MED4: variants seen among roughly 807,000 people sequenced by gnomAD.
MED4 encodes the protein mediator of RNA polymerase II transcription subunit 4.
In MED4, 21 loss-of-function variants were observed where a neutral mutation model predicts 35.0. The observed-to-expected ratio is 0.60, with a 90% CI of 0.43 to 0.86. MED4 has a LOEUF of 0.86. Ranked by LOEUF, MED4 falls within the 40% of genes least tolerant of loss-of-function variation. The pLI, the probability that MED4 is intolerant of heterozygous loss-of-function variation, is 0.00. For synonymous variants in MED4, 138 were observed against 114.0 expected (o/e 1.21, Z -1.34); for missense variants, 300 against 319.4 (o/e 0.94, Z 0.46).
chr13:48,084,147 C>T (rs1459748178), intron 3 of MED4, among the ~76,000 whole-genome samples: 1 of 151,928 alleles, frequency 6.6e-6, no homozygotes, highest in Admixed American at 6.6e-5. Flanking sequence ...CCTATCTCAG[C>T]TACTTGGGAG....
intron 2 of MED4, 85 bp from the exon 3 acceptor site, chr13:48,086,537 G>T: frequency 8.0e-7 from 1 of 1,252,260 alleles, no homozygotes; most frequent in South Asian, 1.4e-5. Context: ...AACTGAATTG[G>T]CTAGGCTATA....
chr13:48,095,049 C>G lies in MED4; in HGVS notation c.30G>C (p.Glu10Asp), dbSNP rs375551718. ...CCAAACCGCCTCCCAGCCGCTCCTTCTCCTTCTCACCACTCGAAGACGCAG... is the reference window on the plus strand; with the variant it reads ...CCAAACCGCCTCCCAGCCGCTCCTTGTCCTTCTCACCACTCGAAGACGCAG... The part of the protein sequence containing the change: MAASSSGEK[E>D]KERLGGGLGV... Residue 10 changes from glutamate (E) to aspartate (D), a missense_variant, in exon 1 of 7, where the codon GAG becomes GAC. Glu to Asp is a conservative substitution (Grantham distance 45). Transcript: ENST00000258648. The G allele has an allele frequency of 1.9e-6, 3 of 1,605,526 alleles. No individual in the cohort carries two copies. The highest frequency in any genetic ancestry group is 2.2e-5 in the East Asian group (1 of 44,866).
At chr13:48,077,890 T>G (rs1950773597) in intron 6 of MED4, among the ~76,000 whole-genome samples, 1 of 152,226 alleles carries the variant, frequency 6.6e-6, no homozygotes, top group Non-Finnish European at 1.5e-5. Flanking sequence ...TACAAATTTT[T>G]CCTGTATCTA....
chr13:48,094,768 GGGA>G (rs1950915750), intron 1 of MED4, among the ~76,000 whole-genome samples, 183 bp downstream of exon 1: 1 of 152,052 alleles, frequency 6.6e-6, no homozygotes. Context: ...TCCCTCTAAC[GGGA>G]AAAACCGCCG....
intron 5 of MED4, among the ~76,000 whole-genome samples, chr13:48,081,232 C>T (rs879621341): frequency 1.4e-4 from 21 of 152,112 alleles, no homozygotes; most frequent in Non-Finnish European, 2.1e-4. Flanking sequence ...CTGTTGGGTG[C>T]GTAGTGCTTT....
chr13:48,079,176 A>T (rs1950785551), intron 6 of MED4, among the ~76,000 whole-genome samples: 1 of 152,238 alleles, frequency 6.6e-6, no homozygotes, highest in Non-Finnish European at 1.5e-5. Flanking sequence ...GTTTATAAAA[A>T]GCTATTGTTA....
At chr13:48,082,316 T>C (rs1328377139) in intron 4 of MED4, among the ~76,000 whole-genome samples, 2 of 152,102 alleles carry the variant, frequency 1.3e-5, no homozygotes, top group Non-Finnish European at 2.9e-5. Flanking sequence ...ATCTAGGACA[T>C]ATACCAAACA....
intron 2 of MED4, among the ~76,000 whole-genome samples, chr13:48,087,384 T>C (rs1950857053): frequency 6.6e-6 from 1 of 151,936 alleles, no homozygotes; most frequent in Non-Finnish European, 1.5e-5. Context: ...TATGTATATA[T>C]AAATAATGAA....
In MED4 at chr13:48,087,489, GA is replaced by G. The variant is rs1325831380; in HGVS notation, c.193-1038del. Among the ~76,000 whole-genome samples the G allele has an allele frequency of 2.2e-4, 33 of 152,028 alleles. 1 individual carries two copies. Among genetic ancestry groups the G allele is most frequent in the Admixed American group, 2.2e-3 (33 of 15,256 alleles). On this transcript the variant is annotated intron_variant, in intron 2 of 6. Transcript: ENST00000258648. ...TACACATTTGTGCTAATATATATTAGAAAAAACTGAGACACTGAAACTCTGA... is the reference window on the plus strand; with the variant it reads ...TACACATTTGTGCTAATATATATTAGAAAAACTGAGACACTGAAACTCTGA...
chr13:48,077,127 T>C lies in MED4; in HGVS notation c.*12A>G. ...ACAGTATTCAATTCTGTATATTGTC[T>C]TTTAAGGTTTTTCAATCAGACTCAC... On this transcript the variant is annotated 3_prime_UTR_variant, in exon 7 of 7. Transcript: ENST00000258648. The C allele has an allele frequency of 1.9e-6, 3 of 1,591,798 alleles. No individual in the cohort carries two copies. Among genetic ancestry groups the C allele is most frequent in the Non-Finnish European group, 2.6e-6 (3 of 1,170,576 alleles).
chr13:48,089,793 C>G (rs995973040), intron 2 of MED4, among the ~76,000 whole-genome samples: 1 of 152,080 alleles, frequency 6.6e-6, no homozygotes, highest in Non-Finnish European at 1.5e-5. Context: ...AAAATTTATC[C>G]TCTTACCTCT....
intron 1 of MED4, among the ~76,000 whole-genome samples, chr13:48,094,131 C>T (rs4941625): frequency 0.03 from 4,537 of 152,090 alleles, 164 homozygotes; most frequent in Admixed American, 0.11. Context: ...CTGGTATCGG[C>T]CAATATAAAA....
rs1390328522 is a variant in MED4 at position 48,077,024 on chromosome 13, C to G, written c.*115G>C. On this transcript the variant is annotated 3_prime_UTR_variant, in exon 7 of 7. Transcript: ENST00000258648. ...ACTTTTAATGACTGCACAATTCTAC[C>G]AAAGCCAGTGTTTACCTGGGTATTT... is the stretch of plus-strand genomic sequence containing the variant. The G allele has an allele frequency of 1.1e-6, 1 of 912,750 alleles. No homozygotes were observed. Among genetic ancestry groups the G allele is most frequent in the Non-Finnish European group, 1.5e-6 (1 of 649,672 alleles). The allele number at this position is 912,750 out of a possible 1,614,324, so 56.5% of individuals were successfully genotyped here. A position where few individuals can be genotyped will look rare whatever the true frequency, so the allele number is the denominator to read the frequency against.
At chr13:48,082,751 C>T (rs759781316) in intron 4 of MED4, among the ~76,000 whole-genome samples, 53 of 151,960 alleles carry the variant, frequency 3.5e-4, no homozygotes, top group Middle Eastern at 3.4e-3. Flanking sequence ...GGCGTGAACC[C>T]GGGAGGCGGA....
At chr13:48,086,533 A>AT in intron 2 of MED4, 81 bp from the exon 3 acceptor site, 1 of 1,302,554 alleles carries the variant, frequency 7.7e-7, no homozygotes, top group African/African-American at 1.5e-5. Context: ...CCGTAACTGA[A>AT]TTGGCTAGGC....
At chr13:48,083,518 C>CA (rs1469987466) in intron 3 of MED4, 90 bp from the exon 4 acceptor site, 2 of 928,358 alleles carry the variant, frequency 2.2e-6, no homozygotes, top group Admixed American at 5.1e-5. Context: ...CTTTAGCCTA[C>CA]AAGAACAATC....
chr13:48,077,275 T>C lies in MED4; in HGVS notation c.677A>G (p.Asp226Gly). 1 of 1,563,908 alleles carries C rather than the reference T, an allele frequency of 6.4e-7. No individual in the cohort carries two copies. ...TGGTGGTAACATATTCATCGACATG[T>C]CATTTGACTGCCATGGATACTGTGG... is the stretch of plus-strand genomic sequence containing the variant. ...LAPQYPWQSN[D>G]MSMNMLPPNH... The change falls in exon 7 of 7, where the codon GAC becomes GGC. Residue 226 changes from aspartate (D) to glycine (G), a missense_variant. Transcript: ENST00000258648.
chr13:48,078,596 A>G (rs981883760), intron 6 of MED4, among the ~76,000 whole-genome samples: 1 of 152,186 alleles, frequency 6.6e-6, no homozygotes, highest in Non-Finnish European at 1.5e-5. Context: ...CTTCTCTGCC[A>G]TGGAGTGGGC....
At chr13:48,086,993 C>G (rs192419849) in intron 2 of MED4, among the ~76,000 whole-genome samples, 269 of 151,728 alleles carry the variant, frequency 1.8e-3, no homozygotes, top group African/African-American at 6.2e-3. Context: ...TTGCAGTGAG[C>G]CAAGATCACG....
Sources: gnomAD v4.1 joint callset for allele counts (sites outside exome capture counted in the v4.1 genomes callset) on GRCh38, gnomAD v4.1.1 for gene constraint, MANE v1.5 for transcripts, NCBI Gene and HGNC (gene_info 2026-07-23, HGNC 2026-07-21) for gene names.